ASH1L: variants seen among roughly 807,000 people sequenced by gnomAD.
ASH1L encodes the protein ASH1 like histone lysine methyltransferase.
A neutral mutation model predicts 269.0 loss-of-function variants in ASH1L; 23 were observed. That is an observed-to-expected ratio of 0.09 (90% CI 0.06 to 0.12). ASH1L has a LOEUF of 0.12. Among genes scored for constraint, ASH1L ranks in the 10% least tolerant of loss-of-function variants. The probability of loss-of-function intolerance (pLI) is 1.00; values close to 1 mark genes in which losing one functional copy is unlikely to be tolerated. For synonymous variants in ASH1L, 1,187 were observed against 1,253.5 expected, an observed-to-expected ratio of 0.95 and a Z score of 1.12; for missense variants, 2,912 against 3,567.8, an observed-to-expected ratio of 0.82 and a Z score of 4.68.
intron 4 of ASH1L, among the ~76,000 whole-genome samples, chr1:155,457,888 C>T (rs1283327563): frequency 6.6e-6 from 1 of 152,080 alleles, no homozygotes; most frequent in Non-Finnish European, 1.5e-5. Context: ...TTCATTTGTT[C>T]AGGGGTTGGT....
intron 6 of ASH1L, among the ~76,000 whole-genome samples, chr1:155,396,744 A>G (rs1202044243): frequency 6.6e-6 from 1 of 151,506 alleles, no homozygotes; most frequent in Non-Finnish European, 1.5e-5. Flanking sequence ...CGGGTGGGTT[A>G]TGAAGTCAGG....
chr1:155,378,426 A>G, intron 9 of ASH1L, 37 bp from the exon 10 acceptor site: 1 of 1,609,748 alleles, frequency 6.2e-7, no homozygotes, highest in Non-Finnish European at 8.5e-7. Flanking sequence ...GTGAACATAC[A>G]GGATAATTTT....
intron 6 of ASH1L, among the ~76,000 whole-genome samples, chr1:155,413,521 C>T (rs1003708314): frequency 2.0e-5 from 3 of 152,152 alleles, no homozygotes; most frequent in African/African-American, 4.8e-5. Flanking sequence ...GCAGGAGAAT[C>T]GCTTGAACCC....
intron 5 of ASH1L, among the ~76,000 whole-genome samples, chr1:155,422,858 C>T (rs1391857173): frequency 6.6e-6 from 1 of 151,770 alleles, no homozygotes; most frequent in Non-Finnish European, 1.5e-5. Flanking sequence ...CCATGTTGAC[C>T]AGGCTGGTCT....
chr1:155,366,564 A>G (rs978650742), intron 12 of ASH1L, among the ~76,000 whole-genome samples: 3 of 152,012 alleles, frequency 2.0e-5, no homozygotes, highest in Admixed American at 6.6e-5. Flanking sequence ...GGTCATCTTT[A>G]TTTTTTCCCA....
intron 25 of ASH1L, 89 bp from the exon 26 acceptor site, chr1:155,339,457 T>C (rs1652587232): frequency 1.7e-6 from 2 of 1,145,796 alleles, no homozygotes; most frequent in Non-Finnish European, 2.6e-6. Context: ...AGGAACACAG[T>C]AGGGCAGTAG....
intron 6 of ASH1L, chr1:155,395,986 C>T (rs1426320406): frequency 6.5e-6 from 1 of 152,814 alleles, no homozygotes; most frequent in Non-Finnish European, 1.5e-5. Flanking sequence ...GAAAGATGCT[C>T]TATAAGACTG....
At chr1:155,485,299 C>T (rs1182506956) in intron 2 of ASH1L, among the ~76,000 whole-genome samples, 12 of 151,358 alleles carry the variant, frequency 7.9e-5, no homozygotes, top group Admixed American at 7.9e-4. Context: ...AGAACCTCTA[C>T]CTCTCTATTT....
intron 2 of ASH1L, among the ~76,000 whole-genome samples, chr1:155,510,052 T>C (rs1350673481): frequency 6.6e-6 from 1 of 151,754 alleles, no homozygotes; most frequent in African/African-American, 2.4e-5. Flanking sequence ...TTACATCAGG[T>C]AAAAAGCTAA....
At position 155,347,696 on chromosome 1, in the gene ASH1L, T is replaced by C. The variant is rs749649980; in HGVS notation, c.7763A>G (p.Tyr2588Cys). 29 of 1,614,076 alleles carry C rather than the reference T, an allele frequency of 1.8e-5. No homozygotes were observed. The African/African-American group carries it at 3.3e-4, about 19-fold the overall frequency. Residue 2588 changes from tyrosine (Y) to cysteine (C), a missense_variant, in exon 20 of 28, where the codon TAC becomes TGC. By Grantham distance (194) the Tyr-to-Cys change is radical. This residue lies in a region of ASH1L where 309 missense variants were observed against 435.1 expected (regional missense o/e 0.71). Coordinates refer to ENST00000392403, the MANE Select transcript of ASH1L (RefSeq NM_018489.3). ...CTGGATCATGAGACCTTCATCCTTG[T>C]AGAGGCCACAGATACAGCGAATAAC... Reference protein sequence around the residue: ...DDVIRCICGLYKDEGLMIQCD... With the variant: ...DDVIRCICGLCKDEGLMIQCD...
intron 1 of ASH1L, among the ~76,000 whole-genome samples, chr1:155,551,873 G>A (rs986536581): frequency 1.3e-5 from 2 of 151,406 alleles, no homozygotes; most frequent in Non-Finnish European, 1.5e-5. Context: ...TGACTTGGGA[G>A]GCTGAAGCAG....
At chr1:155,533,742 C>A (rs1669851526) in intron 1 of ASH1L, among the ~76,000 whole-genome samples, 1 of 151,256 alleles carries the variant, frequency 6.6e-6, no homozygotes, top group Admixed American at 6.6e-5. Context: ...AAGAAAAGAT[C>A]ATCTTTAGTC....
intron 5 of ASH1L, chr1:155,434,309 A>G (rs946903537): frequency 6.4e-7 from 1 of 1,563,384 alleles, no homozygotes; most frequent in African/African-American, 1.4e-5. Context: ...GGGAGGAGCT[A>G]GGGAAAGAGA....
intron 5 of ASH1L, among the ~76,000 whole-genome samples, chr1:155,420,035 T>A (rs1660537405): frequency 6.6e-6 from 1 of 152,092 alleles, no homozygotes; most frequent in South Asian, 2.1e-4. Context: ...AGTAGAATAG[T>A]AGCCAGGCAG....
At chr1:155,376,261 T>C (rs1349974229) in intron 10 of ASH1L, among the ~76,000 whole-genome samples, 1 of 152,174 alleles carries the variant, frequency 6.6e-6, no homozygotes, top group African/African-American at 2.4e-5. Flanking sequence ...GCAGGTAAGG[T>C]AGAATTTCCC....
At chr1:155,539,392 C>A (rs1203485916) in intron 1 of ASH1L, among the ~76,000 whole-genome samples, 1 of 151,826 alleles carries the variant, frequency 6.6e-6, no homozygotes, top group East Asian at 1.9e-4. Flanking sequence ...CTTTGTACAT[C>A]TACCTTGCTC....
At position 155,480,445 on chromosome 1, in the gene ASH1L, G is replaced by A. The variant is rs34039531; in HGVS notation, c.2425C>T (p.Leu809=). ...CTAGAGACACACATACTGGAGGATA[G>A]TTTGTGAGTAGCAAAAGACTTATGA... ...PSHKSFATHK[L]SSSMCVSSDL... The change falls in exon 3 of 28, where the codon CTA becomes TTA. Residue 809 remains leucine (L), a synonymous_variant. Coordinates refer to ENST00000392403, the MANE Select transcript of ASH1L (RefSeq NM_018489.3). 1,748 of 1,614,110 alleles carry A rather than the reference G, an allele frequency of 1.1e-3. 14 individuals are homozygous for A. In the African/African-American group the frequency reaches 0.021, roughly 19 times the overall value.
At chr1:155,409,237 G>A (rs562310758) in intron 6 of ASH1L, among the ~76,000 whole-genome samples, 90 of 152,106 alleles carry the variant, frequency 5.9e-4, no homozygotes, top group African/African-American at 2.1e-3. Flanking sequence ...TGTTGGCCAG[G>A]GTGTTCTTGA....
chr1:155,421,809 CAT>C (rs924235005), intron 5 of ASH1L, among the ~76,000 whole-genome samples: 17 of 152,102 alleles, frequency 1.1e-4, no homozygotes, highest in African/African-American at 2.2e-4. Context: ...AATAGATACA[CAT>C]ATGACTAATT....
Sources: gnomAD v4.1 joint callset for allele counts (sites outside exome capture counted in the v4.1 genomes callset) on GRCh38, gnomAD v4.1.1 for gene constraint, gnomAD v4.1.1 regional missense constraint, MANE v1.5 for transcripts, NCBI Gene and HGNC (gene_info 2026-07-23, HGNC 2026-07-21) for gene names.